Variants in PPIC observed in about 807,000 individuals in gnomAD.
The protein encoded by PPIC is peptidylprolyl isomerase C, also known as peptidyl-prolyl cis-trans isomerase C.
A neutral mutation model predicts 19.5 loss-of-function variants in PPIC; 19 were observed. The observed-to-expected ratio is 0.98, with a 90% confidence interval of 0.68 to 1.43. The LOEUF is 1.43. Among genes scored for constraint, PPIC ranks in the 40% most tolerant of loss-of-function variants. The pLI is 0.00. For synonymous variants in PPIC, 107 were observed against 101.2 expected (o/e 1.06, Z -0.34); for missense variants, 268 against 268.6 (o/e 1.00, Z 0.02).
rs533589339 is a variant in PPIC at position 123,033,499 on chromosome 5, C to T, written c.117+3010G>A. On this transcript the variant is annotated intron_variant, in intron 1 of 4. Coordinates refer to ENST00000306442, the MANE Select transcript of PPIC (RefSeq NM_000943.5). ...CACCTGCCTGCTCCCTATCACCTTC[C>T]GCCGCCGTGACTGGAAGCAGCCTGA... Among the ~76,000 whole-genome samples, 5 of 152,306 alleles carry T rather than the reference C, an allele frequency of 3.3e-5. No individual in the cohort carries two copies. The South Asian group carries it at 1.0e-3, about 32-fold the overall frequency.
At position 123,036,584 on chromosome 5, in the gene PPIC, G is replaced by T. The variant is rs769171579; in HGVS notation, c.42C>A (p.Cys14Ter). 6.3e-7 allele frequency: 1 copy of T among 1,598,624 alleles called. No homozygotes were observed. Among genetic ancestry groups the T allele is most frequent in the East Asian group, 2.3e-5 (1 of 44,312 alleles). ...GPRLLLPLVLCVGLGALVFSS... is the reference protein window; with the variant it reads ...GPRLLLPLVL ...AAAACACAAGTGCGCCGAGCCCCAC[G>T]CAAAGCACGAGAGGTAGCAGCAGCC... Residue 14 changes from cysteine (C) to a stop codon, truncating the protein, a stop_gained, in exon 1 of 5, where the codon TGC becomes TGA. Transcript: ENST00000306442. LOFTEE classifies it high-confidence loss of function. This position sits in a 1 kb window ranked among gnomAD's most constrained non-coding sequence, Gnocchi z 4.5.
Position 123,028,846 on chromosome 5 carries a change from C to T in PPIC, c.254G>A (p.Ser85Asn), listed in dbSNP as rs765076245. Residue 85 changes from serine to asparagine, a missense_variant, in exon 3 of 5, where the codon AGC becomes AAC. Transcript: ENST00000306442. ...TGEKGYGYKG[S>N]KFHRVIKDFM... ...ATCCTTGATGACACGATGAAACTTG[C>T]TTCCTTTATATCCATATCCTTTCTA... is the stretch of plus-strand genomic sequence containing the variant. The T allele has an allele frequency of 8.1e-6, 13 of 1,612,048 alleles. No homozygotes were observed. Among genetic ancestry groups the T allele is most frequent in the Non-Finnish European group, 1.0e-5 (12 of 1,178,286 alleles).
intron 3 of PPIC, 148 bp from the exon 4 acceptor site, chr5:123,026,116 G>A (rs1369588000): frequency 1.5e-6 from 1 of 681,280 alleles, no homozygotes; most frequent in African/African-American, 1.8e-5. Flanking sequence ...CAGACATGAA[G>A]GAGGGAATAA....
Position 123,025,907 on chromosome 5 carries a change from A to G in PPIC, c.387T>C (p.Ile129=), listed in dbSNP as rs1202752704. 1.2e-6 allele frequency: 2 copies of G among 1,613,502 alleles called. No individual in the cohort carries two copies. The highest frequency in any genetic ancestry group is 1.7e-6 in the Non-Finnish European group (2 of 1,179,916). ...CAGCGTTGGCCATGCTGACCCACCC[A>G]ATGCCATAGTGCTTCAGCTTGAAGT... The part of the protein sequence containing the change: ...DENFKLKHYG[I]GWVSMANAGP... Residue 129 remains isoleucine (I), a synonymous_variant, in exon 4 of 5, where the codon ATT becomes ATC. Transcript: ENST00000306442.
In PPIC at chr5:123,023,890, C is replaced by G. The variant is rs1762807189; in HGVS notation, c.624G>C (p.Glu208Asp). ...GCCAGTTGTGTCACCAATCAGCGAT[C>G]TCAACCACAAAAGGCGTTTTCACGT... ...KIDVKTPFVVEIADW is the reference protein window; with the variant it reads ...KIDVKTPFVVDIADW Residue 208 changes from glutamate to aspartate, a missense_variant, in exon 5 of 5, where the codon GAG (glutamate) becomes GAC (aspartate). Physicochemically the swap from Glu to Asp is conservative, Grantham distance 45 (BLOSUM62 2). Transcript: ENST00000306442. 6.2e-7 allele frequency: 1 copy of G among 1,613,566 alleles called. No homozygotes were observed. Among genetic ancestry groups the G allele is most frequent in the Non-Finnish European group, 8.5e-7 (1 of 1,179,880 alleles).
intron 1 of PPIC, among the ~76,000 whole-genome samples, chr5:123,033,827 G>T (rs1032028392): frequency 6.6e-6 from 1 of 152,244 alleles, no homozygotes; most frequent in African/African-American, 2.4e-5. Context: ...TATGTGTGCA[G>T]CTGGAAGGAT....
intron 1 of PPIC, among the ~76,000 whole-genome samples, chr5:123,035,507 C>T (rs1762994475): frequency 1.3e-5 from 2 of 152,162 alleles, no homozygotes. Flanking sequence ...CTCCTCCTCC[C>T]CACCCCCTAG....
At position 123,028,869 on chromosome 5, in the gene PPIC, C is replaced by G; in HGVS notation, c.232-1G>C. The G allele has an allele frequency of 6.3e-7, 1 of 1,596,680 alleles. No homozygotes were observed. The highest frequency in any genetic ancestry group is 8.6e-7 in the Non-Finnish European group (1 of 1,164,686). On this transcript the variant is annotated splice_acceptor_variant, in intron 2 of 4. Coordinates refer to ENST00000306442, the MANE Select transcript of PPIC (RefSeq NM_000943.5). LOFTEE classifies it high-confidence loss of function. Reference sequence around the variant, plus strand: ...TGCTTCCTTTATATCCATATCCTTTCTAAAGAGATTACTTCAGTTGAATAA... The same window carrying G: ...TGCTTCCTTTATATCCATATCCTTTGTAAAGAGATTACTTCAGTTGAATAA...
chr5:123,034,426 C>A (rs1460076266), intron 1 of PPIC, among the ~76,000 whole-genome samples: 1 of 152,124 alleles, frequency 6.6e-6, no homozygotes, highest in Non-Finnish European at 1.5e-5. Flanking sequence ...TCAAACCCTT[C>A]CCCTCCTGCA....
chr5:123,032,599 G>C (rs980449404), intron 1 of PPIC, among the ~76,000 whole-genome samples: 2 of 152,142 alleles, frequency 1.3e-5, no homozygotes, highest in African/African-American at 4.8e-5. Context: ...CTCACCACTG[G>C]ATTCATCTCT....
chr5:123,036,569 T>C lies in PPIC; in HGVS notation c.57A>G (p.Ala19=). The C allele has an allele frequency of 6.2e-7, 1 of 1,601,566 alleles. No individual in the cohort carries two copies. Among genetic ancestry groups the C allele is most frequent in the Non-Finnish European group, 8.5e-7 (1 of 1,175,564 alleles). ...CCTCGGCCCCCGAAGAAAACACAAGTGCGCCGAGCCCCACGCAAAGCACGA... is the reference window on the plus strand; with the variant it reads ...CCTCGGCCCCCGAAGAAAACACAAGCGCGCCGAGCCCCACGCAAAGCACGA... ...LPLVLCVGLG[A]LVFSSGAEGF... The change falls in exon 1 of 5, where the codon GCA becomes GCG. Residue 19 remains alanine (A), a synonymous_variant. Coordinates refer to ENST00000306442, the MANE Select transcript of PPIC (RefSeq NM_000943.5). This position sits in a 1 kb window ranked among gnomAD's most constrained non-coding sequence, Gnocchi z 4.5.
rs553696499 is a variant in PPIC, at chr5:123,035,715, T to G, written c.117+794A>C. Among the ~76,000 whole-genome samples, 8 of 152,132 alleles carry G rather than the reference T, an allele frequency of 5.3e-5. No homozygotes were observed. The South Asian group carries it at 1.7e-3, about 32-fold the overall frequency. ...TGATCATGGGCACCAAATTATCCCC[T>G]CCCTCTCCCTGCATTCTCCCATTAT... On this transcript the variant is annotated intron_variant, in intron 1 of 4. Transcript: ENST00000306442.
intron 1 of PPIC, among the ~76,000 whole-genome samples, chr5:123,031,436 G>C (rs1043438665): frequency 6.6e-6 from 1 of 152,204 alleles, no homozygotes; most frequent in African/African-American, 2.4e-5. Flanking sequence ...AAGGATGGGG[G>C]TGAGCCTTGC....
intron 4 of PPIC, among the ~76,000 whole-genome samples, chr5:123,025,542 T>G (rs1762838664): frequency 6.6e-6 from 1 of 152,282 alleles, no homozygotes; most frequent in Admixed American, 6.5e-5. Flanking sequence ...GGCTTTACAT[T>G]TATATCAAGT....
At chr5:123,027,696 C>T (rs2150189077) in intron 3 of PPIC, among the ~76,000 whole-genome samples, 1 of 152,234 alleles carries the variant, frequency 6.6e-6, no homozygotes, top group East Asian at 1.9e-4. Flanking sequence ...TATAAACAAA[C>T]CATTGCAATA....
intron 1 of PPIC, among the ~76,000 whole-genome samples, chr5:123,034,219 G>T (rs988980968): frequency 1.3e-5 from 2 of 152,194 alleles, no homozygotes; most frequent in African/African-American, 4.8e-5. Flanking sequence ...AATAGATTTA[G>T]TTGTCTTTAC....
chr5:123,030,457 G>A (rs1368665792), intron 1 of PPIC, among the ~76,000 whole-genome samples: 2 of 152,068 alleles, frequency 1.3e-5, no homozygotes, highest in African/African-American at 2.4e-5. Flanking sequence ...ATATAAGAAC[G>A]GTTGTCAAAG....
At chr5:123,034,684 AT>A (rs1225358145) in intron 1 of PPIC, among the ~76,000 whole-genome samples, 1 of 152,194 alleles carries the variant, frequency 6.6e-6, no homozygotes. Flanking sequence ...TTAATCTGAT[AT>A]TCACATCTAA....
chr5:123,033,497 T>TCCG (rs1196376665), intron 1 of PPIC, among the ~76,000 whole-genome samples: 3 of 152,272 alleles, frequency 2.0e-5, no homozygotes, highest in East Asian at 3.9e-4. Flanking sequence ...CCTATCACCT[T>TCCG]CCGCCGCCGT....
Sources: allele counts gnomAD v4.1 joint callset (sites outside exome capture counted in the v4.1 genomes callset), GRCh38; gene constraint gnomAD v4.1.1; non-coding constraint Gnocchi (gnomAD v3.1); transcripts MANE v1.5; gene names NCBI Gene and HGNC (gene_info 2026-07-23, HGNC 2026-07-21).